The following TMEM117 variants were observed in gnomAD, a reference collection of about 807,000 sequenced individuals.
The protein encoded by TMEM117 is transmembrane protein 117.
In TMEM117, 27 loss-of-function variants were observed where a neutral mutation model predicts 52.4. That is an observed-to-expected ratio of 0.51 (90% CI 0.38 to 0.71). The LOEUF (loss-of-function observed/expected upper bound fraction) is 0.71. TMEM117 is among the 30% of genes least tolerant of loss of function. The pLI is 0.00. For missense variants in TMEM117, 556 were observed against 630.5 expected (o/e 0.88, Z 1.26); for synonymous variants, 215 against 206.3 (o/e 1.04, Z -0.36).
intron 4 of TMEM117, among the ~76,000 whole-genome samples, chr12:44,152,049 CAT>C (rs1446744805): frequency 1.2e-4 from 13 of 109,592 alleles, no homozygotes; most frequent in Non-Finnish European, 2.0e-4. Context: ...TTATATTAAT[CAT>C]ATATTTATAT....
In TMEM117 at chr12:44,245,203, TTTTTAGAG is replaced by T. The variant is rs201552286; in HGVS notation, c.608+33821_608+33828del. On this transcript the variant is annotated intron_variant, in intron 5 of 7. Transcript: ENST00000266534. ...TTGTGATTCCATACACATTTTAGAG[TTTTTAGAG>T]TTTTTTTTTCTCTTTCTGTGAAGAA... Among the ~76,000 whole-genome samples, 344 of 151,958 alleles carry T rather than the reference TTTTTAGAG, an allele frequency of 2.3e-3. 7 individuals carry two copies. In the East Asian group the frequency reaches 0.033, roughly 15 times the overall value.
chr12:43,986,742 G>C (rs1233455416), intron 3 of TMEM117, among the ~76,000 whole-genome samples: 1 of 152,000 alleles, frequency 6.6e-6, no homozygotes, highest in Non-Finnish European at 1.5e-5. Context: ...CCTATTCTCA[G>C]TTTCTCTTAA....
chr12:43,890,325 C>T (rs1019150115), intron 2 of TMEM117, among the ~76,000 whole-genome samples: 3 of 151,994 alleles, frequency 2.0e-5, no homozygotes, highest in Non-Finnish European at 4.4e-5. Flanking sequence ...TTGGTCTGGA[C>T]TGTAAGACCG....
intron 6 of TMEM117, among the ~76,000 whole-genome samples, chr12:44,337,077 C>G (rs1951351138): frequency 6.6e-6 from 1 of 151,994 alleles, no homozygotes; most frequent in African/African-American, 2.4e-5. Flanking sequence ...ATAGAAGAAG[C>G]TGTCTTAGTC....
intron 4 of TMEM117, among the ~76,000 whole-genome samples, chr12:44,179,796 CTATCTT>C: frequency 6.6e-6 from 1 of 152,178 alleles, no homozygotes; most frequent in African/African-American, 2.4e-5. Flanking sequence ...TTATTACTGA[CTATCTT>C]TATCATTGTG....
intron 3 of TMEM117, among the ~76,000 whole-genome samples, chr12:43,945,145 G>A (rs1945110761): frequency 2.5e-5 from 1 of 39,980 alleles, no homozygotes; most frequent in Admixed American, 2.7e-4. Flanking sequence ...AAATAAAGTG[G>A]GCCACCCTGT....
At chr12:44,149,437 G>A (rs73096898) in intron 4 of TMEM117, among the ~76,000 whole-genome samples, 4,963 of 152,208 alleles carry the variant, frequency 0.033, 117 homozygotes, top group Non-Finnish European at 0.052. Context: ...CAGTGTTTGA[G>A]CATAAAGTAT....
At chr12:43,983,680 G>A (rs978094553) in intron 3 of TMEM117, among the ~76,000 whole-genome samples, 1 of 150,920 alleles carries the variant, frequency 6.6e-6, no homozygotes, top group African/African-American at 2.4e-5. Context: ...GTGAACAGGA[G>A]GGAATTAATC....
intron 5 of TMEM117, among the ~76,000 whole-genome samples, chr12:44,240,606 A>T (rs978417801): frequency 6.6e-6 from 1 of 151,922 alleles, no homozygotes; most frequent in Non-Finnish European, 1.5e-5. Flanking sequence ...TTGTGTGTGT[A>T]TGTATTTATA....
chr12:44,023,820 G>C (rs112616943), intron 3 of TMEM117, among the ~76,000 whole-genome samples: 12,487 of 127,792 alleles, frequency 0.098, 940 homozygotes, highest in African/African-American at 0.21. Flanking sequence ...TTGTGGGGTG[G>C]GGGGAGGGGG....
chr12:44,373,054 T>C (rs1045619221), intron 6 of TMEM117, among the ~76,000 whole-genome samples: 1 of 152,202 alleles, frequency 6.6e-6, no homozygotes, highest in Non-Finnish European at 1.5e-5. Context: ...TATAAGTATA[T>C]ACAGGAATAT....
At chr12:44,114,916 C>T (rs1948111169) in intron 3 of TMEM117, among the ~76,000 whole-genome samples, 1 of 152,214 alleles carries the variant, frequency 6.6e-6, no homozygotes, top group South Asian at 2.1e-4. Context: ...CAGATACAGG[C>T]TATGAATAAA....
intron 3 of TMEM117, among the ~76,000 whole-genome samples, chr12:43,988,533 A>G (rs1945884876): frequency 6.6e-6 from 1 of 152,144 alleles, no homozygotes; most frequent in African/African-American, 2.4e-5. Flanking sequence ...TGTAGTCTTG[A>G]GAACATATGG....
At chr12:44,299,105 C>G (rs1950804014) in intron 5 of TMEM117, among the ~76,000 whole-genome samples, 7 of 145,834 alleles carry the variant, frequency 4.8e-5, no homozygotes, top group Admixed American at 4.7e-4. Context: ...TTGGGGAAAA[C>G]TGCTTTTGAT....
the TMEM117 span, chr12:43,797,067 C>A: frequency 6.2e-7 from 1 of 1,604,542 alleles, no homozygotes; most frequent in East Asian, 2.2e-5. Flanking sequence ...TCTTATACTG[C>A]ATGTGTATCC....
intron 6 of TMEM117, among the ~76,000 whole-genome samples, chr12:44,316,185 T>C (rs1098497): frequency 0.026 from 3,887 of 152,306 alleles, 160 homozygotes; most frequent in African/African-American, 0.084. Flanking sequence ...GACTTACATG[T>C]ATTTTTGTGG....
At chr12:43,898,048 G>A (rs2614395) in intron 2 of TMEM117, among the ~76,000 whole-genome samples, 96,409 of 146,748 alleles carry the variant, frequency 0.66, 35,299 homozygotes, top group East Asian at 0.85. Context: ...ACACACGCAC[G>A]CACACACACA....
At chr12:44,231,080 A>G (rs1418486859) in intron 5 of TMEM117, among the ~76,000 whole-genome samples, 4 of 151,792 alleles carry the variant, frequency 2.6e-5, no homozygotes, top group East Asian at 1.9e-4. Context: ...GATTCCTCCA[A>G]TTCTCTTTTA....
the TMEM117 span, among the ~76,000 whole-genome samples, chr12:43,819,007 G>A: frequency 4.9e-4 from 75 of 152,248 alleles, no homozygotes; most frequent in African/African-American, 1.8e-3. Flanking sequence ...TCCATGATGT[G>A]ATGCATAGAT....
Sources: allele counts gnomAD v4.1 joint callset (sites outside exome capture counted in the v4.1 genomes callset), GRCh38; gene constraint gnomAD v4.1.1; transcripts MANE v1.5; gene names NCBI Gene and HGNC (gene_info 2026-07-23, HGNC 2026-07-21).